SPHKAP: variants seen among roughly 807,000 people sequenced by gnomAD.
SPHKAP encodes the protein SPHK1 interactor, AKAP domain containing, also known as A-kinase anchor protein SPHKAP.
In SPHKAP, 67 loss-of-function variants were observed where a neutral mutation model predicts 137.5. That is an observed-to-expected ratio of 0.49 (90% CI 0.40 to 0.60). The LOEUF is 0.60. Among genes scored for constraint, SPHKAP ranks in the 20% least tolerant of loss-of-function variants. SPHKAP has a pLI of 0.00. For missense variants in SPHKAP, 2,097 were observed against 2,069.3 expected, an observed-to-expected ratio of 1.01 and a Z score of -0.26; for synonymous variants, 813 against 785.3, an observed-to-expected ratio of 1.04 and a Z score of -0.59.
intron 1 of SPHKAP, among the ~76,000 whole-genome samples, chr2:228,176,797 G>A (rs112047715): frequency 0.069 from 10,462 of 152,236 alleles, 1,159 homozygotes; most frequent in African/African-American, 0.24. Context: ...CTCAAATCCC[G>A]GAGGGAGGTG....
At chr2:228,115,129 C>T (rs907085777) in intron 2 of SPHKAP, among the ~76,000 whole-genome samples, 1 of 152,132 alleles carries the variant, frequency 6.6e-6, no homozygotes, top group African/African-American at 2.4e-5. Flanking sequence ...TTATAGTTTG[C>T]TCATCAGTGT....
chr2:228,169,126 C>T (rs1341169891), intron 1 of SPHKAP, among the ~76,000 whole-genome samples: 1 of 152,164 alleles, frequency 6.6e-6, no homozygotes, highest in Non-Finnish European at 1.5e-5. Flanking sequence ...ACGAAAGAAA[C>T]TGTCTCCATA....
At chr2:228,038,177 G>T (rs1695703158) in intron 3 of SPHKAP, among the ~76,000 whole-genome samples, 1 of 152,142 alleles carries the variant, frequency 6.6e-6, no homozygotes, top group Admixed American at 6.5e-5. Flanking sequence ...CTGAAGGCAG[G>T]ACATGTCCTT....
At chr2:228,053,059 A>G (rs1430042357) in intron 3 of SPHKAP, among the ~76,000 whole-genome samples, 1 of 152,160 alleles carries the variant, frequency 6.6e-6, no homozygotes, top group Non-Finnish European at 1.5e-5. Context: ...GATGTCCTAG[A>G]TCAGGGTGCC....
At chr2:228,010,300 G>T (rs1262601722) in intron 7 of SPHKAP, among the ~76,000 whole-genome samples, 1 of 152,200 alleles carries the variant, frequency 6.6e-6, no homozygotes, top group Non-Finnish European at 1.5e-5. Context: ...GCAGAGGCAG[G>T]TGGATCACCT....
At chr2:228,105,339 C>A (rs1698305868) in intron 3 of SPHKAP, among the ~76,000 whole-genome samples, 1 of 152,270 alleles carries the variant, frequency 6.6e-6, no homozygotes, top group Non-Finnish European at 1.5e-5. Flanking sequence ...ACGTGAAGGA[C>A]CTCTATCAAG....
At chr2:228,061,799 G>T (rs752201192) in intron 3 of SPHKAP, among the ~76,000 whole-genome samples, 10 of 150,430 alleles carry the variant, frequency 6.6e-5, no homozygotes, top group Non-Finnish European at 1.2e-4. Flanking sequence ...AACAACATTA[G>T]CTGTGGCCAC....
Position 228,019,733 on chromosome 2 carries a change from G to T in SPHKAP, c.1121C>A (p.Thr374Lys), listed in dbSNP as rs1435517714. ...TTGTCTAGGAGGGAGAGCGTTTCTT[G>T]TGTCTTCATGGTCTCCTGGGTTTAG... ...SNLNPGDHEDTRNALPPRQDG... is the reference protein window; with the variant it reads ...SNLNPGDHEDKRNALPPRQDG... Residue 374 changes from threonine (T) to lysine (K), a missense_variant, in exon 7 of 12, where the codon ACA becomes AAA. Physicochemically the swap from Thr to Lys is moderately conservative, Grantham distance 78 (BLOSUM62 -1). Coordinates refer to ENST00000392056, the MANE Select transcript of SPHKAP (RefSeq NM_001142644.2). The T allele has an allele frequency of 6.2e-7, 1 of 1,614,188 alleles. No homozygotes were observed.
intron 1 of SPHKAP, among the ~76,000 whole-genome samples, chr2:228,177,717 T>A (rs536897989): frequency 1.5e-3 from 228 of 152,242 alleles, no homozygotes; most frequent in African/African-American, 4.9e-3. Context: ...AGGGGTAAAA[T>A]CTTGAGATTC....
At chr2:228,029,842 C>G (rs1267708949) in intron 3 of SPHKAP, among the ~76,000 whole-genome samples, 1 of 152,120 alleles carries the variant, frequency 6.6e-6, no homozygotes, top group East Asian at 1.9e-4. Flanking sequence ...TTCCATTCAC[C>G]TTAAAGAAAG....
intron 3 of SPHKAP, among the ~76,000 whole-genome samples, chr2:228,054,671 T>C (rs1029982428): frequency 1.8e-4 from 27 of 152,196 alleles, no homozygotes; most frequent in Admixed American, 1.4e-3. Flanking sequence ...GAGAGCACCT[T>C]GGAAAAGGTC....
rs138643463 is a variant in SPHKAP at position 227,989,954 on chromosome 2, G to A, written c.4959+1046C>T. Among the ~76,000 whole-genome samples the A allele has an allele frequency of 3.9e-3, 597 of 152,086 alleles. 4 individuals are homozygous for A. Among genetic ancestry groups the A allele is most frequent in the African/African-American group, 0.013 (558 of 41,488 alleles). Reference sequence around the variant, plus strand: ...CTCTTTAAAGACAGAGCTTTTTCTGGCTGGTGGCTGAAGGTATCAGGGAGA... The same window carrying A: ...CTCTTTAAAGACAGAGCTTTTTCTGACTGGTGGCTGAAGGTATCAGGGAGA... On this transcript the variant is annotated intron_variant, in intron 11 of 11. Transcript: ENST00000392056.
chr2:228,131,304 CAT>C (rs759030160), intron 2 of SPHKAP: 11 of 984,922 alleles, frequency 1.1e-5, no homozygotes, highest in Non-Finnish European at 1.3e-5. Flanking sequence ...TGAGAAGAAA[CAT>C]ATACTTCCCT....
chr2:228,002,948 C>T (rs536227999), intron 7 of SPHKAP, among the ~76,000 whole-genome samples: 1 of 152,090 alleles, frequency 6.6e-6, no homozygotes, highest in South Asian at 2.1e-4. Context: ...GGTACCAGTA[C>T]CATGCTGTTT....
intron 1 of SPHKAP, among the ~76,000 whole-genome samples, chr2:228,169,540 A>G (rs930858895): frequency 1.3e-5 from 2 of 152,146 alleles, no homozygotes; most frequent in Admixed American, 1.3e-4. Flanking sequence ...TTTTAAGCCC[A>G]CTGAGACCTG....
At chr2:228,159,008 A>T (rs1700194163) in intron 1 of SPHKAP, among the ~76,000 whole-genome samples, 1 of 152,098 alleles carries the variant, frequency 6.6e-6, no homozygotes, top group Non-Finnish European at 1.5e-5. Context: ...CTTATGTGGC[A>T]GAGATGAAGA....
In SPHKAP at chr2:228,016,474, C is replaced by T. The variant is rs142701018; in HGVS notation, c.4380G>A (p.Ser1460=). 15 of 1,612,578 alleles carry T rather than the reference C, an allele frequency of 9.3e-6. No homozygotes were observed. The African/African-American group carries it at 1.3e-4, about 14-fold the overall frequency. ...SSLLEEAEGH[S]NDKNIPDVVR... The stretch of plus-strand genomic sequence containing the variant: ...CCACATCTGGGATGTTTTTGTCATT[C>T]GAATGCCCTTCTGCTTCCTCTAGGA... The change falls in exon 7 of 12, where the codon TCG becomes TCA. Residue 1460 remains serine (S), a synonymous_variant. Transcript: ENST00000392056.
intron 3 of SPHKAP, among the ~76,000 whole-genome samples, chr2:228,071,802 A>G (rs1165366864): frequency 6.6e-6 from 1 of 150,696 alleles, no homozygotes; most frequent in Non-Finnish European, 1.5e-5. Context: ...TTTTTTTTGT[A>G]ATGTCAGGAA....
At chr2:228,152,940 A>G (rs1699980084) in intron 1 of SPHKAP, among the ~76,000 whole-genome samples, 1 of 152,110 alleles carries the variant, frequency 6.6e-6, no homozygotes, top group Non-Finnish European at 1.5e-5. Flanking sequence ...AGTGGAAGAT[A>G]ATTGAATCAT....
Sources: gnomAD v4.1 joint callset for allele counts (sites outside exome capture counted in the v4.1 genomes callset) on GRCh38, gnomAD v4.1.1 for gene constraint, MANE v1.5 for transcripts, NCBI Gene and HGNC (gene_info 2026-07-23, HGNC 2026-07-21) for gene names.